CD99L2: variants seen among roughly 807,000 people sequenced by gnomAD.
CD99L2 encodes the protein CD99 antigen-like protein 2.
CD99L2 carries 24 observed loss-of-function variants against 27.3 expected under a neutral mutation model. The observed-to-expected ratio is 0.88, with a 90% confidence interval of 0.64 to 1.24. CD99L2 has a LOEUF of 1.24. Ranked by LOEUF, CD99L2 falls within the 50% of genes most tolerant of loss-of-function variation. CD99L2 has a pLI of 0.00. For synonymous variants in CD99L2, 97 were observed against 87.9 expected, an observed-to-expected ratio of 1.10 and a Z score of -0.58; for missense variants, 255 against 221.6, an observed-to-expected ratio of 1.15 and a Z score of -0.96.
intron 1 of CD99L2, among the ~76,000 whole-genome samples, chrX:150,854,898 G>T (rs1261880478): frequency 9.0e-6 from 1 of 110,661 alleles, no homozygotes; most frequent in East Asian, 2.8e-4. Context: ...GTGGCTGCCT[G>T]CTGCCCCCCC....
intron 1 of CD99L2, among the ~76,000 whole-genome samples, chrX:150,838,918 TGG>T (rs1211157850): frequency 0.043 from 1,382 of 31,950 alleles, 25 homozygotes; most frequent in African/African-American, 0.049. Flanking sequence ...AAAAAAAAAA[TGG>T]GGGGGGGGGT....
At position 150,824,049 on chromosome X, in the gene CD99L2, AGAAGAGGAGGAG is replaced by A. The variant is rs781861884; in HGVS notation, c.130+7170_130+7181del. On this transcript the variant is annotated intron_variant, in intron 2 of 10. Transcript: ENST00000370377. ...AAGAGGAGGAGGAGGAGGAGGAAGAAGAAGAGGAGGAGGAAGAGGAGGAGGAAGAGGAAGAAG... is the reference window on the plus strand; with the variant it reads ...AAGAGGAGGAGGAGGAGGAGGAAGAAGAAGAGGAGGAGGAAGAGGAAGAAG... Among the ~76,000 whole-genome samples, 140 of 97,409 alleles carry A rather than the reference AGAAGAGGAGGAG, an allele frequency of 1.4e-3. 4 individuals carry two copies. Among genetic ancestry groups the A allele is most frequent in the East Asian group, 3.6e-3 (11 of 3,015 alleles). 84.6% of individuals were successfully genotyped at this position (97,409 alleles called of 115,157 possible).
chrX:150,823,481 T>G (rs1047666298), intron 2 of CD99L2, among the ~76,000 whole-genome samples: 9 of 111,064 alleles, frequency 8.1e-5, no homozygotes, highest in Non-Finnish European at 1.5e-4. Context: ...AGACGGGGTT[T>G]CACCATGTTG....
At chrX:150,879,325 CTT>C (rs2047283730) in intron 1 of CD99L2, among the ~76,000 whole-genome samples, 1 of 111,618 alleles carries the variant, frequency 9.0e-6, no homozygotes, top group African/African-American at 3.3e-5. Flanking sequence ...TGAAGGAAAA[CTT>C]TAGCTTTTTA....
intron 1 of CD99L2, among the ~76,000 whole-genome samples, chrX:150,863,028 A>C (rs1331090396): frequency 8.9e-6 from 1 of 112,564 alleles, no homozygotes; most frequent in Non-Finnish European, 1.9e-5. Context: ...ACTTATTCTT[A>C]AAAGAGTGAC....
At chrX:150,872,085 G>T (rs147635278) in intron 1 of CD99L2, among the ~76,000 whole-genome samples, 413 of 110,548 alleles carry the variant, frequency 3.7e-3, no homozygotes, top group African/African-American at 0.012. Flanking sequence ...TTAAAAATCA[G>T]CCAGTCATGG....
At chrX:150,847,376 T>C (rs1283700104) in intron 1 of CD99L2, among the ~76,000 whole-genome samples, 2 of 112,102 alleles carry the variant, frequency 1.8e-5, no homozygotes, top group African/African-American at 6.5e-5. Flanking sequence ...AATTTTAGGA[T>C]CAGCTTGTCA....
chrX:150,802,644 T>C (rs1450556028), intron 4 of CD99L2, among the ~76,000 whole-genome samples: 2 of 95,772 alleles, frequency 2.1e-5, no homozygotes, highest in Non-Finnish European at 4.2e-5. Flanking sequence ...TGCAGTGGCG[T>C]GATCTTGGCT....
Position 150,770,207 on chromosome X carries a change from C to T in CD99L2, c.721+97G>A, listed in dbSNP as rs147464172. The T allele has an allele frequency of 2.0e-4, 161 of 818,712 alleles. No homozygotes were observed. The East Asian group carries it at 4.3e-3, about 22-fold the overall frequency. The allele number at this position is 818,712 out of a possible 1,213,427, so 67.5% of individuals were successfully genotyped here. A position where few individuals can be genotyped will look rare whatever the true frequency, so the allele number is the denominator to read the frequency against. The stretch of plus-strand genomic sequence containing the variant: ...TCTGGCCGGACATTCTAGAAGCAGA[C>T]GCCTCTGTGCTTCCCTGCTTCTCTA... On this transcript the variant is annotated intron_variant, in intron 10 of 10. Transcript: ENST00000370377.
chrX:150,793,523 C>G (rs1009503876), intron 7 of CD99L2, among the ~76,000 whole-genome samples, 168 bp downstream of exon 7: 2 of 112,224 alleles, frequency 1.8e-5, no homozygotes, highest in South Asian at 3.7e-4. Context: ...GCTTATAAAT[C>G]CCCCCCTTGA....
chrX:150,834,545 C>T (rs1489032511), intron 1 of CD99L2, among the ~76,000 whole-genome samples: 2 of 112,026 alleles, frequency 1.8e-5, no homozygotes, highest in African/African-American at 6.5e-5. Context: ...CATCTTACAT[C>T]TGTTAGAATG....
intron 7 of CD99L2, 104 bp from the exon 8 acceptor site, chrX:150,777,586 T>C: frequency 3.5e-6 from 3 of 852,796 alleles, no homozygotes; most frequent in Non-Finnish European, 3.3e-6. Context: ...CAATCCCACC[T>C]ATGCGACAAG....
intron 1 of CD99L2, among the ~76,000 whole-genome samples, chrX:150,837,205 T>C (rs2046544814): frequency 9.0e-6 from 1 of 111,543 alleles, no homozygotes; most frequent in Non-Finnish European, 1.9e-5. Flanking sequence ...AAGATGAGCT[T>C]GAATCTTGAA....
chrX:150,857,220 C>T (rs143546379), intron 1 of CD99L2, among the ~76,000 whole-genome samples: 18 of 111,275 alleles, frequency 1.6e-4, no homozygotes, highest in African/African-American at 5.9e-4. Flanking sequence ...TGAAAACTTC[C>T]CATGCCTAGC....
At chrX:150,823,145 C>A (rs2046265798) in intron 2 of CD99L2, among the ~76,000 whole-genome samples, 1 of 112,492 alleles carries the variant, frequency 8.9e-6, no homozygotes, top group Admixed American at 9.4e-5. Flanking sequence ...TCAATTAACT[C>A]TCTCCTTTAT....
chrX:150,842,999 G>A lies in CD99L2; in HGVS notation c.68-11706C>T, dbSNP rs782250664. 7.1e-5 allele frequency among the ~76,000 whole-genome samples: 8 copies of A among 112,320 alleles called. No homozygotes were observed. The Admixed American group carries it at 7.5e-4, about 11-fold the overall frequency. ...TTTGATTACCAAAACTCTGTCACCAGTAGATAGTACCTGATATTACTTTGT... is the reference window on the plus strand; with the variant it reads ...TTTGATTACCAAAACTCTGTCACCAATAGATAGTACCTGATATTACTTTGT... On this transcript the variant is annotated intron_variant, in intron 1 of 10. Coordinates refer to ENST00000370377, the MANE Select transcript of CD99L2 (RefSeq NM_031462.4).
intron 8 of CD99L2, 66 bp from the exon 9 acceptor site, chrX:150,776,359 C>CT (rs1263271608): frequency 1.8e-6 from 2 of 1,107,374 alleles, no homozygotes; most frequent in Non-Finnish European, 2.4e-6. Context: ...AGGGAGCAGC[C>CT]TGGGAGCCTG....
At chrX:150,817,971 T>C (rs1256928878) in intron 2 of CD99L2, among the ~76,000 whole-genome samples, 4 of 109,943 alleles carry the variant, frequency 3.6e-5, no homozygotes, top group African/African-American at 1.3e-4. Flanking sequence ...ATTTACATTA[T>C]AACAAAAATT....
At chrX:150,816,379 G>A (rs1557420490) in intron 2 of CD99L2, 3 of 307,752 alleles carry the variant, frequency 9.7e-6, no homozygotes, top group Non-Finnish European at 1.7e-5. Context: ...GAGATGGCAC[G>A]TGGTCCAGGG....
Sources: allele counts gnomAD v4.1 joint callset (sites outside exome capture counted in the v4.1 genomes callset), GRCh38; gene constraint gnomAD v4.1.1; transcripts MANE v1.5; gene names NCBI Gene and HGNC (gene_info 2026-07-23, HGNC 2026-07-21).